The following PDE7B variants were observed in gnomAD, a reference collection of about 807,000 sequenced individuals.
The protein encoded by PDE7B is 3',5'-cyclic-AMP phosphodiesterase 7B.
Under a neutral mutation model 56.2 loss-of-function variants are expected in PDE7B, and 29 were observed. That is an observed-to-expected ratio of 0.52 (90% CI 0.38 to 0.70). The LOEUF is 0.70. PDE7B is among the 30% of genes least tolerant of loss of function. The pLI is 0.00. For missense variants in PDE7B, 490 were observed against 565.0 expected (o/e 0.87, Z 1.35); for synonymous variants, 197 against 196.9 (o/e 1.00, Z 0.00).
intron 8 of PDE7B, among the ~76,000 whole-genome samples, chr6:136,161,298 A>G (rs3799393): frequency 0.021 from 3,230 of 152,230 alleles, 223 homozygotes; most frequent in Admixed American, 0.12. Context: ...TCGAATCGCT[A>G]TTGCCTGATT....
intron 2 of PDE7B, among the ~76,000 whole-genome samples, chr6:135,968,315 AT>A (rs1775033739): frequency 6.6e-6 from 1 of 152,108 alleles, no homozygotes; most frequent in Non-Finnish European, 1.5e-5. Context: ...ATGGGACCTA[AT>A]TAAATGAAAG....
chr6:135,972,363 C>A (rs1055249001), intron 2 of PDE7B, among the ~76,000 whole-genome samples: 1 of 150,828 alleles, frequency 6.6e-6, no homozygotes, highest in African/African-American at 2.4e-5. Flanking sequence ...ACTGTCAAGT[C>A]ATCCATCTTA....
intron 1 of PDE7B, among the ~76,000 whole-genome samples, chr6:135,934,806 T>TTTATTATATATATATTTTAAATATATATA: frequency 8.5e-6 from 1 of 117,006 alleles, no homozygotes; most frequent in Non-Finnish European, 1.7e-5. Context: ...AATATATATA[T>TTTATTATATATATATTTTAAATATATATA]TTATTATATA....
At chr6:136,161,401 G>A (rs1039480016) in intron 8 of PDE7B, among the ~76,000 whole-genome samples, 1 of 151,936 alleles carries the variant, frequency 6.6e-6, no homozygotes, top group Non-Finnish European at 1.5e-5. Flanking sequence ...TGATGTCCAG[G>A]GAATATTTAA....
At chr6:136,037,888 T>G in intron 2 of PDE7B, 2 of 1,153,118 alleles carry the variant, frequency 1.7e-6, no homozygotes. Context: ...CTCGATGGCT[T>G]TTTTTTTTCT....
intron 1 of PDE7B, among the ~76,000 whole-genome samples, chr6:135,915,103 AG>A (rs1776278574): frequency 6.6e-6 from 1 of 151,658 alleles, no homozygotes; most frequent in African/African-American, 2.4e-5. Flanking sequence ...AAAAAAAAAA[AG>A]GATTTATTCC....
chr6:136,144,683 A>G (rs1414562310), intron 3 of PDE7B, among the ~76,000 whole-genome samples: 2 of 145,368 alleles, frequency 1.4e-5, no homozygotes, highest in Non-Finnish European at 3.1e-5. Flanking sequence ...CATTATTATG[A>G]AACAATACCT....
At chr6:135,879,391 GTAAA>G (rs1199412766) in intron 1 of PDE7B, among the ~76,000 whole-genome samples, 1 of 151,982 alleles carries the variant, frequency 6.6e-6, no homozygotes, top group African/African-American at 2.4e-5. Flanking sequence ...AACAAATATA[GTAAA>G]TAATAATATT....
intron 2 of PDE7B, among the ~76,000 whole-genome samples, chr6:136,075,954 C>T (rs936677299): frequency 6.6e-5 from 10 of 152,056 alleles, no homozygotes; most frequent in Admixed American, 3.9e-4. Context: ...ATTTTTTATA[C>T]GGCAGATAAA....
intron 2 of PDE7B, among the ~76,000 whole-genome samples, chr6:136,077,889 T>C (rs996248188): frequency 1.2e-4 from 18 of 152,232 alleles, no homozygotes; most frequent in Middle Eastern, 3.2e-3. Context: ...AGATGCATAT[T>C]TGTTTCCATG....
intron 2 of PDE7B, among the ~76,000 whole-genome samples, chr6:136,023,638 T>C (rs532627336): frequency 1.3e-5 from 2 of 152,212 alleles, no homozygotes; most frequent in Non-Finnish European, 2.9e-5. Flanking sequence ...GCTAGCTATT[T>C]TTTGACTCTA....
In PDE7B at chr6:135,938,650, A is replaced by G. The variant is rs564011523; in HGVS notation, c.22-8814A>G. On this transcript the variant is annotated intron_variant, in intron 1 of 12. Transcript: ENST00000308191. The stretch of plus-strand genomic sequence containing the variant: ...TTCAATGTGCATTTCGATGTGTGCT[A>G]TGGGAATCAGGACTAACCACGACCC... Among the ~76,000 whole-genome samples, 4 of 152,160 alleles carry G rather than the reference A, an allele frequency of 2.6e-5. No individual in the cohort carries two copies. The South Asian group carries it at 8.3e-4, about 32-fold the overall frequency.
At chr6:135,939,457 A>G (rs535296404) in intron 1 of PDE7B, among the ~76,000 whole-genome samples, 1 of 152,300 alleles carries the variant, frequency 6.6e-6, no homozygotes, top group Non-Finnish European at 1.5e-5. Context: ...GCAATGGGAT[A>G]GAAATCTGCT....
intron 8 of PDE7B, among the ~76,000 whole-genome samples, chr6:136,160,322 T>C (rs920777039): frequency 2.6e-5 from 4 of 152,180 alleles, no homozygotes; most frequent in Non-Finnish European, 2.9e-5. Context: ...TCTCACCACA[T>C]GTTTAGATCT....
intron 1 of PDE7B, among the ~76,000 whole-genome samples, chr6:135,859,764 G>A (rs1338737184): frequency 6.6e-6 from 1 of 151,888 alleles, no homozygotes. Flanking sequence ...TCAAAACATT[G>A]AGTTGGAGAA....
intron 4 of PDE7B, 111 bp from the exon 5 acceptor site, chr6:136,148,976 A>G (rs1157780723): frequency 6.9e-6 from 5 of 728,192 alleles, no homozygotes; most frequent in Non-Finnish European, 1.2e-5. Context: ...ACTAGATGGT[A>G]GTATGCTAGG....
intron 1 of PDE7B, among the ~76,000 whole-genome samples, chr6:135,857,684 A>AG (rs1246586547): frequency 6.6e-6 from 1 of 152,236 alleles, no homozygotes; most frequent in Non-Finnish European, 1.5e-5. Flanking sequence ...AAACAATATC[A>AG]GAAACAACTT....
At chr6:135,930,288 G>A (rs1300894650) in intron 1 of PDE7B, among the ~76,000 whole-genome samples, 4 of 152,144 alleles carry the variant, frequency 2.6e-5, no homozygotes, top group Non-Finnish European at 5.9e-5. Context: ...CTGGCCCCAT[G>A]ATTCAGTTAT....
chr6:136,053,113 G>T (rs1776661819), intron 2 of PDE7B, among the ~76,000 whole-genome samples: 3 of 152,006 alleles, frequency 2.0e-5, no homozygotes, highest in Admixed American at 6.5e-5. Context: ...CAATGTGCAG[G>T]TTTGTTACAT....
Sources: gnomAD v4.1 joint callset for allele counts (sites outside exome capture counted in the v4.1 genomes callset) on GRCh38, gnomAD v4.1.1 for gene constraint, MANE v1.5 for transcripts, NCBI Gene and HGNC (gene_info 2026-07-23, HGNC 2026-07-21) for gene names.